The following SLC8A1 variants were observed in gnomAD, a reference collection of about 807,000 sequenced individuals.
SLC8A1 encodes the protein sodium/calcium exchanger 1.
In SLC8A1, 18 loss-of-function variants were observed where a neutral mutation model predicts 68.3. The ratio of observed to expected loss-of-function variants is 0.26; its 90% confidence interval spans 0.18 to 0.39. SLC8A1 has a LOEUF of 0.39. Among genes scored for constraint, SLC8A1 ranks in the 10% least tolerant of loss-of-function variants. The pLI, the probability that SLC8A1 is intolerant of heterozygous loss-of-function variation, is 1.00. For missense variants in SLC8A1, 985 were observed against 1,156.7 expected (o/e 0.85, Z 2.15); for synonymous variants, 475 against 415.5 (o/e 1.14, Z -1.74).
At chr2:40,367,763 C>A (rs191762573) in intron 2 of SLC8A1, among the ~76,000 whole-genome samples, 15 of 152,108 alleles carry the variant, frequency 9.9e-5, no homozygotes, top group Admixed American at 9.8e-4. Flanking sequence ...ATCTCAGGAT[C>A]TGAATACACC....
intron 1 of SLC8A1, among the ~76,000 whole-genome samples, chr2:40,489,496 C>T (rs1038679886): frequency 1.3e-5 from 2 of 152,126 alleles, no homozygotes; most frequent in Non-Finnish European, 2.9e-5. Flanking sequence ...AAAGTCTGTT[C>T]TCACTTTTCT....
intron 1 of SLC8A1, among the ~76,000 whole-genome samples, chr2:40,474,358 C>G (rs1425831871): frequency 6.6e-6 from 1 of 152,072 alleles, no homozygotes; most frequent in Non-Finnish European, 1.5e-5. Flanking sequence ...GTTAAAGTAC[C>G]AGAAAAAGAA....
intron 2 of SLC8A1, among the ~76,000 whole-genome samples, chr2:40,310,310 A>T (rs2073440833): frequency 6.6e-6 from 1 of 152,238 alleles, no homozygotes; most frequent in Non-Finnish European, 1.5e-5. Flanking sequence ...AAACCCAAGT[A>T]GTTGGGTTAA....
At chr2:40,410,260 T>C (rs1446739452) in intron 2 of SLC8A1, among the ~76,000 whole-genome samples, 6 of 152,162 alleles carry the variant, frequency 3.9e-5, no homozygotes, top group Non-Finnish European at 8.8e-5. Context: ...CAATAAATTA[T>C]CCTGACTTAC....
exon 2 of SLC8A1, chr2:40,429,927 G>C (rs1158936266): frequency 1.2e-6 from 2 of 1,613,226 alleles, no homozygotes; most frequent in African/African-American, 1.3e-5. Flanking sequence ...TCTCTCCATT[G>C]GGTTTCTTTA....
intron 2 of SLC8A1, among the ~76,000 whole-genome samples, chr2:40,371,733 G>A (rs1678160326): frequency 6.6e-6 from 1 of 152,094 alleles, no homozygotes; most frequent in South Asian, 2.1e-4. Context: ...TTTGAGATGG[G>A]ATGTGCAAAA....
At chr2:40,488,259 G>T (rs1403149069) in intron 1 of SLC8A1, among the ~76,000 whole-genome samples, 2 of 151,578 alleles carry the variant, frequency 1.3e-5, no homozygotes, top group Non-Finnish European at 2.9e-5. Context: ...AAAAGTAAAG[G>T]ATTTTAATGA....
chr2:40,381,782 A>C (rs1051401145), intron 2 of SLC8A1, among the ~76,000 whole-genome samples: 5 of 151,206 alleles, frequency 3.3e-5, no homozygotes, highest in African/African-American at 1.2e-4. Flanking sequence ...AGGAACTGAA[A>C]CTTTCCAGAT....
intron 1 of SLC8A1, among the ~76,000 whole-genome samples, chr2:40,474,772 G>A (rs1192924507): frequency 6.6e-6 from 1 of 152,112 alleles, no homozygotes; most frequent in Non-Finnish European, 1.5e-5. Context: ...GTTTGGTTTG[G>A]GAGCTTGTGC....
chr2:40,456,125 G>GC (rs1702998263), upstream of SLC8A1, among the ~76,000 whole-genome samples: 1 of 152,058 alleles, frequency 6.6e-6, no homozygotes, highest in Admixed American at 6.5e-5. Flanking sequence ...GACCATCCTG[G>GC]CTAACATGGT....
At chr2:40,474,583 A>C (rs767187534) in intron 1 of SLC8A1, among the ~76,000 whole-genome samples, 1 of 152,210 alleles carries the variant, frequency 6.6e-6, no homozygotes, top group African/African-American at 2.4e-5. Context: ...AACAGTAGCT[A>C]ACAATACTAA....
At chr2:40,316,911 C>G (rs970409192) in intron 2 of SLC8A1, among the ~76,000 whole-genome samples, 8 of 151,968 alleles carry the variant, frequency 5.3e-5, no homozygotes, top group Non-Finnish European at 1.0e-4. Flanking sequence ...CTCTCCCTGT[C>G]TTACCATGCT....
rs541834037 is a variant in SLC8A1, at chr2:40,258,411, G to A, written c.1809-80556C>T. 7.1e-4 allele frequency among the ~76,000 whole-genome samples: 108 copies of A among 152,254 alleles called. 1 individual carries two copies. Among genetic ancestry groups the A allele is most frequent in the African/African-American group, 2.6e-3 (107 of 41,552 alleles). On this transcript the variant is annotated intron_variant, in intron 2 of 7. Coordinates refer to ENST00000406785, the Ensembl canonical transcript of SLC8A1. ...GACATTCGTATTTCCTTCTCAGATTGGTCCTAAAGCTTGAAATATGATCTC... is the reference window on the plus strand; with the variant it reads ...GACATTCGTATTTCCTTCTCAGATTAGTCCTAAAGCTTGAAATATGATCTC...
intron 2 of SLC8A1, among the ~76,000 whole-genome samples, chr2:40,372,046 C>T (rs1678270347): frequency 1.3e-5 from 2 of 152,048 alleles, no homozygotes; most frequent in South Asian, 4.1e-4. Flanking sequence ...GCTGCAAAGG[C>T]CAAGGATTTG....
intron 2 of SLC8A1, among the ~76,000 whole-genome samples, chr2:40,196,414 A>AG (rs1175263525): frequency 6.6e-6 from 1 of 151,986 alleles, no homozygotes; most frequent in East Asian, 1.9e-4. Context: ...TGACCTTGTG[A>AG]GGTCCTCAGT....
At chr2:40,406,720 T>C (rs1690457225) in intron 2 of SLC8A1, among the ~76,000 whole-genome samples, 1 of 152,164 alleles carries the variant, frequency 6.6e-6, no homozygotes, top group South Asian at 2.1e-4. Flanking sequence ...GGAAGCAACA[T>C]GGTCCTGCAT....
intron 2 of SLC8A1, among the ~76,000 whole-genome samples, chr2:40,261,836 T>C (rs746213233): frequency 1.3e-5 from 2 of 152,230 alleles, no homozygotes; most frequent in Non-Finnish European, 2.9e-5. Flanking sequence ...GGGAAGGATT[T>C]TGGGTAAGAC....
intron 1 of SLC8A1, among the ~76,000 whole-genome samples, chr2:40,508,812 T>C (rs931054111): frequency 7.2e-5 from 11 of 152,198 alleles, no homozygotes; most frequent in Non-Finnish European, 1.5e-5. Context: ...TGGCAACCAC[T>C]TTTCTTTAAT....
intron 7 of SLC8A1, among the ~76,000 whole-genome samples, chr2:40,124,690 C>T (rs967233938): frequency 2.0e-5 from 3 of 152,192 alleles, no homozygotes; most frequent in Admixed American, 6.5e-5. Context: ...TTTACAAACA[C>T]ACAAATTTAT....
Sources: gnomAD v4.1 joint callset for allele counts (sites outside exome capture counted in the v4.1 genomes callset) on GRCh38, gnomAD v4.1.1 for gene constraint, MANE v1.5 for transcripts, NCBI Gene and HGNC (gene_info 2026-07-23, HGNC 2026-07-21) for gene names.